The following ANKRD24 variants were observed in gnomAD, a reference collection of about 807,000 sequenced individuals.
ANKRD24 encodes the protein ankyrin repeat domain 24, also known as ankyrin repeat domain-containing protein 24.
A neutral mutation model predicts 127.8 loss-of-function variants in ANKRD24; 109 were observed. The observed-to-expected ratio is 0.85, with a 90% confidence interval of 0.73 to 1.00. ANKRD24 has a LOEUF of 1.00. ANKRD24 is among the 50% of genes least tolerant of loss of function. The probability of loss-of-function intolerance (pLI) is 0.00; values close to 1 mark genes in which losing one functional copy is unlikely to be tolerated. For missense variants in ANKRD24, 1,648 were observed against 1,570.2 expected (o/e 1.05, Z -0.84); for synonymous variants, 743 against 671.1 (o/e 1.11, Z -1.66).
chr19:4,199,435 C>T lies in ANKRD24; in HGVS notation c.37-248C>T. 2 of 924,986 alleles carry T rather than the reference C, an allele frequency of 2.2e-6. No homozygotes were observed. Among genetic ancestry groups the T allele is most frequent in the Non-Finnish European group, 2.6e-6 (2 of 774,928 alleles). The allele number at this position is 924,986 out of a possible 1,614,324, so 57.3% of individuals were successfully genotyped here. On this transcript the variant is annotated intron_variant, in intron 2 of 21. Transcript: ENST00000318934. This position sits in a 1 kb window ranked among gnomAD's most constrained non-coding sequence, Gnocchi z 5.2. Reference sequence around the variant, plus strand: ...CTATGGTGCCCAGGTTTGTCTCAAACTCCTAGGCTCAAGCGATCCTCCCAC... The same window carrying T: ...CTATGGTGCCCAGGTTTGTCTCAAATTCCTAGGCTCAAGCGATCCTCCCAC...
chr19:4,192,054 G>T (rs1009076555), intron 2 of ANKRD24, among the ~76,000 whole-genome samples: 8 of 151,852 alleles, frequency 5.3e-5, no homozygotes, highest in African/African-American at 1.9e-4. Context: ...CTCCCAAAGT[G>T]CTGGGATTAC....
chr19:4,204,057 G>A lies in ANKRD24; in HGVS notation c.466+1131G>A, dbSNP rs1348193902. Among the ~76,000 whole-genome samples the A allele has an allele frequency of 1.1e-4, 16 of 139,550 alleles. No individual in the cohort carries two copies. In the East Asian group the frequency reaches 3.7e-3, roughly 33 times the overall value. 91.6% of individuals were successfully genotyped at this position (139,550 alleles called of 152,430 possible). Reference sequence around the variant, plus strand: ...CGGCTCACTGCAAGCTCCGCCTCCCGGGTCCACGCCATTCTCCTGCCTCAG... The same window carrying A: ...CGGCTCACTGCAAGCTCCGCCTCCCAGGTCCACGCCATTCTCCTGCCTCAG... On this transcript the variant is annotated intron_variant, in intron 7 of 21. Coordinates refer to ENST00000318934, the MANE Select transcript of ANKRD24 (RefSeq NM_001393985.1).
At position 4,216,605 on chromosome 19, in the gene ANKRD24, A is replaced by G. The variant is rs755463620; in HGVS notation, c.1445A>G (p.Glu482Gly). The change falls in exon 18 of 22, where the codon GAG becomes GGG. Residue 482 changes from glutamate (E) to glycine (G), a missense_variant. Glu to Gly is a moderately conservative substitution (Grantham distance 98). Transcript: ENST00000318934. Reference protein sequence around the residue: ...ETQMEVEALAEVIPLALYDSL... With the variant: ...ETQMEVEALAGVIPLALYDSL... ...CAGATGGAAGTGGAAGCTTTGGCAG[A>G]GGTCATCCCTCTTGCCCTCTATGAC... 8.7e-6 allele frequency: 14 copies of G among 1,611,826 alleles called. No homozygotes were observed. The East Asian group carries it at 2.0e-4, about 23-fold the overall frequency.
Position 4,216,038 on chromosome 19 carries a change from C to T in ANKRD24, c.1258C>T (p.Pro420Ser). 1 of 1,598,352 alleles carries T rather than the reference C, an allele frequency of 6.3e-7. No homozygotes were observed. The highest frequency in any genetic ancestry group is 8.5e-7 in the Non-Finnish European group (1 of 1,173,152). ...TTLQDEEGEL[P>S]DLPGAEVLLS... Reference sequence around the variant, plus strand: ...CCTGCAGGATGAGGAGGGTGAGCTGCCTGACCTTCCAGGTGAGCCCCCACC... The same window carrying T: ...CCTGCAGGATGAGGAGGGTGAGCTGTCTGACCTTCCAGGTGAGCCCCCACC... The change falls in exon 16 of 22, where the codon CCT (proline) becomes TCT (serine). Residue 420 changes from proline (P) to serine (S), a missense_variant. Pro to Ser is a moderately conservative substitution (Grantham distance 74). Coordinates refer to ENST00000318934, the MANE Select transcript of ANKRD24 (RefSeq NM_001393985.1).
At chr19:4,185,791 T>C (rs140434345) in intron 1 of ANKRD24, among the ~76,000 whole-genome samples, 1 of 152,182 alleles carries the variant, frequency 6.6e-6, no homozygotes, top group Non-Finnish European at 1.5e-5. Flanking sequence ...AGCCCCTGAC[T>C]GTTGAAAAGG....
intron 13 of ANKRD24, 36 bp downstream of exon 13, chr19:4,210,408 C>A (rs766513741): frequency 1.5e-5 from 22 of 1,499,916 alleles, no homozygotes; most frequent in Non-Finnish European, 2.0e-5. Flanking sequence ...GTGGGCCAGC[C>A]TGGGTGGGGT....
At chr19:4,185,857 A>C (rs1375465128) in intron 1 of ANKRD24, among the ~76,000 whole-genome samples, 3 of 152,230 alleles carry the variant, frequency 2.0e-5, no homozygotes. Flanking sequence ...GCAGAGGCAG[A>C]GACCCAGCCA....
intron 13 of ANKRD24, among the ~76,000 whole-genome samples, chr19:4,210,942 T>G (rs1165034542): frequency 6.6e-6 from 1 of 152,092 alleles, no homozygotes; most frequent in East Asian, 1.9e-4. Context: ...CAAGCGATTC[T>G]CCTGCCTCAG....
intron 2 of ANKRD24, among the ~76,000 whole-genome samples, chr19:4,193,624 G>A (rs546350356): frequency 2.0e-4 from 30 of 151,920 alleles, no homozygotes; most frequent in Non-Finnish European, 3.8e-4. Flanking sequence ...GATCACCTGA[G>A]ATCAGGAGTT....
intron 2 of ANKRD24, among the ~76,000 whole-genome samples, chr19:4,187,671 C>G (rs1400800301): frequency 6.6e-6 from 1 of 152,200 alleles, no homozygotes; most frequent in Non-Finnish European, 1.5e-5. Flanking sequence ...GGGCTCACCT[C>G]CAGGGACAGG....
Position 4,216,568 on chromosome 19 carries a change from A to G in ANKRD24, c.1408A>G (p.Lys470Glu). Reference protein sequence around the residue: ...EKVQILENFEKDETQMEVEAL... With the variant: ...EKVQILENFEEDETQMEVEAL... Reference sequence around the variant, plus strand: ...TCCCCAGATCCTGGAGAACTTTGAGAAGGACGAGACACAGATGGAAGTGGA... The same window carrying G: ...TCCCCAGATCCTGGAGAACTTTGAGGAGGACGAGACACAGATGGAAGTGGA... The change falls in exon 18 of 22, where the codon AAG becomes GAG. Residue 470 changes from lysine (K) to glutamate (E), a missense_variant. By Grantham distance (56) the Lys-to-Glu change is moderately conservative (BLOSUM62 1). Coordinates refer to ENST00000318934, the MANE Select transcript of ANKRD24 (RefSeq NM_001393985.1). 6.2e-7 allele frequency: 1 copy of G among 1,609,740 alleles called. No individual in the cohort carries two copies.
chr19:4,211,609 A>G (rs1490069303), intron 13 of ANKRD24, among the ~76,000 whole-genome samples: 1 of 152,016 alleles, frequency 6.6e-6, no homozygotes, highest in Non-Finnish European at 1.5e-5. Context: ...ACACCACTGC[A>G]CTCCAGCCTG....
In ANKRD24 at chr19:4,195,573, T is replaced by C. The variant is rs1194614932; in HGVS notation, c.37-4110T>C. Among the ~76,000 whole-genome samples, 2 of 152,140 alleles carry C rather than the reference T, an allele frequency of 1.3e-5. No homozygotes were observed. Among genetic ancestry groups the C allele is most frequent in the African/African-American group, 4.8e-5 (2 of 41,440 alleles). On this transcript the variant is annotated intron_variant, in intron 2 of 21. Transcript: ENST00000318934. This position sits in a 1 kb window ranked among gnomAD's most constrained non-coding sequence, Gnocchi z 4.2. Reference sequence around the variant, plus strand: ...CCTGTCACTTTCCATTTTCCTGCCTTGGTTCCCACTCCTCCCTCCTCTTGT... The same window carrying C: ...CCTGTCACTTTCCATTTTCCTGCCTCGGTTCCCACTCCTCCCTCCTCTTGT...
intron 20 of ANKRD24, 89 bp from the exon 21 acceptor site, chr19:4,224,038 G>C: frequency 9.8e-7 from 1 of 1,024,896 alleles, no homozygotes; most frequent in Non-Finnish European, 1.5e-6. Context: ...CAACGTACAG[G>C]CTTGGGGTGC....
rs1599401421 is a variant in ANKRD24 at position 4,193,573 on chromosome 19, C to T, written c.37-6110C>T. On this transcript the variant is annotated intron_variant, in intron 2 of 21. Coordinates refer to ENST00000318934, the MANE Select transcript of ANKRD24 (RefSeq NM_001393985.1). ...GGAGATGATGGCAGGCGCGGTGGCTCATGCCTGTAATCCCAGCACTTTGGG... is the reference window on the plus strand; with the variant it reads ...GGAGATGATGGCAGGCGCGGTGGCTTATGCCTGTAATCCCAGCACTTTGGG... Among the ~76,000 whole-genome samples the T allele has an allele frequency of 3.3e-5, 5 of 151,696 alleles. No individual in the cohort carries two copies. In the South Asian group the frequency reaches 1.0e-3, roughly 32 times the overall value.
chr19:4,210,397 C>CCTCCAAACCT (rs1969651926), intron 13 of ANKRD24, 25 bp downstream of exon 13: 5 of 1,442,096 alleles, frequency 3.5e-6, no homozygotes, highest in Non-Finnish European at 4.6e-6. Flanking sequence ...GAGATTTGGG[C>CCTCCAAACCT]GTGGGCCAGC....
At position 4,217,125 on chromosome 19, in the gene ANKRD24, C is replaced by T. The variant is rs756543047; in HGVS notation, c.1965C>T (p.Tyr655=). The part of the protein sequence containing the change: ...TKAEEAEMQA[Y]GVGAGQAEPP... ...CAGAGGAAGCAGAAATGCAGGCCTA[C>T]GGAGTGGGTGCTGGGCAAGCAGAGC... Residue 655 remains tyrosine, a synonymous_variant, in exon 18 of 22, where the codon TAC becomes TAT. Transcript: ENST00000318934. 1.4e-5 allele frequency: 22 copies of T among 1,613,454 alleles called. No individual in the cohort carries two copies. The highest frequency in any genetic ancestry group is 9.4e-5 in the African/African-American group (7 of 74,844).
Position 4,217,995 on chromosome 19 carries a change from G to C in ANKRD24, c.2835G>C (p.Lys945Asn). The change falls in exon 18 of 22, where the codon AAG becomes AAC. Residue 945 changes from lysine (K) to asparagine (N), a missense_variant. Physicochemically the swap from Lys to Asn is moderately conservative, Grantham distance 94. Coordinates refer to ENST00000318934, the MANE Select transcript of ANKRD24 (RefSeq NM_001393985.1). ...AGCAGGAGGTGGTGGCCACGGGCAA[G>C]GAGGCCGCCCGGCTGCGCGCGGAGC... The part of the protein sequence containing the change: ...SLEQEVVATG[K>N]EAARLRAELE... 1.3e-6 allele frequency: 2 copies of C among 1,531,932 alleles called. No homozygotes were observed. Among genetic ancestry groups the C allele is most frequent in the Non-Finnish European group, 8.7e-7 (1 of 1,147,034 alleles). 94.9% of individuals were successfully genotyped at this position (1,531,932 alleles called of 1,614,324 possible).
chr19:4,202,833 G>A, intron 6 of ANKRD24, 36 bp from the exon 7 acceptor site: 3 of 1,562,404 alleles, frequency 1.9e-6, no homozygotes, highest in Non-Finnish European at 2.6e-6. Context: ...CAGCAAGAAG[G>A]ATGGCTCCGC....
Sources: allele counts gnomAD v4.1 joint callset (sites outside exome capture counted in the v4.1 genomes callset), GRCh38; gene constraint gnomAD v4.1.1; non-coding constraint Gnocchi (gnomAD v3.1); transcripts MANE v1.5; gene names NCBI Gene and HGNC (gene_info 2026-07-23, HGNC 2026-07-21).